HTRA1: variants seen among roughly 807,000 people sequenced by gnomAD.
HTRA1 encodes HtrA serine peptidase 1.
A neutral mutation model predicts 49.7 loss-of-function variants in HTRA1; 26 were observed. The observed-to-expected ratio is 0.52, with a 90% confidence interval of 0.38 to 0.73. The LOEUF (loss-of-function observed/expected upper bound fraction) is 0.73. Among genes scored for constraint, HTRA1 ranks in the 30% least tolerant of loss-of-function variants. The pLI is 0.00. For missense variants in HTRA1, 561 were observed against 667.2 expected, an observed-to-expected ratio of 0.84 and a Z score of 1.75; for synonymous variants, 291 against 286.9, an observed-to-expected ratio of 1.01 and a Z score of -0.14.
chr10:122,466,045 G>T (rs2097483622), intron 1 of HTRA1, among the ~76,000 whole-genome samples: 1 of 152,174 alleles, frequency 6.6e-6, no homozygotes, highest in Non-Finnish European at 1.5e-5. Context: ...GAGGTTTTTA[G>T]GATCGCCTGC....
intron 4 of HTRA1, 86 bp from the exon 5 acceptor site, chr10:122,507,284 C>T (rs113004042): frequency 8.9e-5 from 95 of 1,072,204 alleles, no homozygotes; most frequent in Middle Eastern, 4.0e-4. Flanking sequence ...CTCTAGGCAC[C>T]GTGCTCAGGA....
At chr10:122,469,429 A>G (rs962497277) in intron 1 of HTRA1, among the ~76,000 whole-genome samples, 6 of 152,218 alleles carry the variant, frequency 3.9e-5, no homozygotes, top group African/African-American at 7.2e-5. Flanking sequence ...CAGATGGGCA[A>G]TCTTGCCAGC....
intron 1 of HTRA1, among the ~76,000 whole-genome samples, chr10:122,477,188 CG>C (rs923803572): frequency 6.6e-5 from 10 of 151,970 alleles, no homozygotes; most frequent in African/African-American, 2.2e-4. Flanking sequence ...AGGACGGTCT[CG>C]ATCTCCTGAC....
intron 1 of HTRA1, among the ~76,000 whole-genome samples, chr10:122,482,972 A>G (rs1472763288): frequency 6.7e-6 from 1 of 148,454 alleles, no homozygotes; most frequent in Admixed American, 6.7e-5. Flanking sequence ...TATTCTTTTG[A>G]GAGAAACACA....
At chr10:122,467,501 C>T (rs1388268310) in intron 1 of HTRA1, among the ~76,000 whole-genome samples, 1 of 152,168 alleles carries the variant, frequency 6.6e-6, no homozygotes, top group Non-Finnish European at 1.5e-5. Flanking sequence ...TCCTTATGAG[C>T]TACTTCTTTT....
At chr10:122,468,136 T>C (rs1591024457) in intron 1 of HTRA1, among the ~76,000 whole-genome samples, 1 of 152,188 alleles carries the variant, frequency 6.6e-6, no homozygotes. Flanking sequence ...TGGCCCCTGA[T>C]CTCAAGGTAC....
chr10:122,466,782 A>T (rs2097483968), intron 1 of HTRA1, among the ~76,000 whole-genome samples: 1 of 152,184 alleles, frequency 6.6e-6, no homozygotes, highest in South Asian at 2.1e-4. Flanking sequence ...GGGTGGGTGG[A>T]AACATTTGTG....
chr10:122,504,930 C>T (rs1041552685), intron 3 of HTRA1, among the ~76,000 whole-genome samples: 3 of 152,238 alleles, frequency 2.0e-5, no homozygotes, highest in African/African-American at 7.2e-5. Flanking sequence ...GAAAGGGTCA[C>T]CCACTGTCAG....
chr10:122,511,732 C>CA (rs56119820), intron 7 of HTRA1, among the ~76,000 whole-genome samples: 57 of 133,914 alleles, frequency 4.3e-4, no homozygotes, highest in African/African-American at 1.3e-3. Context: ...GACTCTGTCT[C>CA]AAAAAAAAAA....
At chr10:122,462,709 T>C (rs563694713) in intron 1 of HTRA1, among the ~76,000 whole-genome samples, 101 of 152,332 alleles carry the variant, frequency 6.6e-4, no homozygotes, top group African/African-American at 2.1e-3. Context: ...TTGGCACCGC[T>C]CTCGTTTCGG....
intron 1 of HTRA1, among the ~76,000 whole-genome samples, chr10:122,469,783 C>G (rs2097485358): frequency 1.3e-5 from 2 of 152,174 alleles, no homozygotes; most frequent in Non-Finnish European, 2.9e-5. Flanking sequence ...AGGATTTGAG[C>G]CCATGTCTGT....
At chr10:122,469,974 G>T (rs1258144541) in intron 1 of HTRA1, among the ~76,000 whole-genome samples, 2 of 152,102 alleles carry the variant, frequency 1.3e-5, no homozygotes, top group African/African-American at 4.8e-5. Context: ...GTTTGTTAGG[G>T]TGTATTTTCT....
chr10:122,468,701 G>T (rs968110148), intron 1 of HTRA1, among the ~76,000 whole-genome samples: 2 of 152,144 alleles, frequency 1.3e-5, no homozygotes, highest in African/African-American at 4.8e-5. Flanking sequence ...CCAGTGTGTG[G>T]CTTCTCTTGA....
At chr10:122,510,389 G>C (rs984258153) in intron 7 of HTRA1, among the ~76,000 whole-genome samples, 1 of 152,130 alleles carries the variant, frequency 6.6e-6, no homozygotes, top group Non-Finnish European at 1.5e-5. Flanking sequence ...CAGGCCCTCC[G>C]GTGTAGAAGG....
intron 1 of HTRA1, among the ~76,000 whole-genome samples, chr10:122,483,087 T>G (rs897538851): frequency 6.6e-5 from 10 of 152,192 alleles, no homozygotes; most frequent in Non-Finnish European, 1.0e-4. Flanking sequence ...CTTAATGCCT[T>G]GCTCTTTTCA....
At chr10:122,462,514 C>T (rs1365954488) in intron 1 of HTRA1, among the ~76,000 whole-genome samples, 1 of 152,274 alleles carries the variant, frequency 6.6e-6, no homozygotes, top group Admixed American at 6.5e-5. Context: ...AGAGCGGCTT[C>T]AGGACCACAA....
chr10:122,508,765 C>A lies in HTRA1; in HGVS notation c.1115C>A (p.Ala372Asp). ...CTCACGGAGTCCCATGACCGACAGGCCAAAGGTAGGCAAGGCCCACACAGC... is the reference window on the plus strand; with the variant it reads ...CTCACGGAGTCCCATGACCGACAGGACAAAGGTAGGCAAGGCCCACACAGC... ...KFLTESHDRQ[A>D]KGKAITKKKY... Residue 372 changes from alanine (A) to aspartate (D), a missense_variant, in exon 6 of 9, where the codon GCC becomes GAC. By Grantham distance (126) the Ala-to-Asp change is moderately radical. Transcript: ENST00000368984. The A allele has an allele frequency of 6.3e-7, 1 of 1,599,838 alleles. No homozygotes were observed. Among genetic ancestry groups the A allele is most frequent in the Non-Finnish European group, 8.6e-7 (1 of 1,166,998 alleles).
chr10:122,513,200 G>A (rs1000545736), intron 8 of HTRA1, among the ~76,000 whole-genome samples: 1 of 152,086 alleles, frequency 6.6e-6, no homozygotes, highest in Non-Finnish European at 1.5e-5. Context: ...GCGTTTTGAC[G>A]CTGAGCTATA....
chr10:122,499,553 C>T (rs1246721184), intron 3 of HTRA1, among the ~76,000 whole-genome samples: 1 of 152,090 alleles, frequency 6.6e-6, no homozygotes, highest in Admixed American at 6.5e-5. Context: ...TCCGCTGACC[C>T]GCCCTTTTTC....
Sources: allele counts gnomAD v4.1 joint callset (sites outside exome capture counted in the v4.1 genomes callset), GRCh38; gene constraint gnomAD v4.1.1; transcripts MANE v1.5; gene names NCBI Gene and HGNC (gene_info 2026-07-23, HGNC 2026-07-21).